CSRNP3: variants seen among roughly 807,000 people sequenced by gnomAD.
CSRNP3 encodes cysteine and serine rich nuclear protein 3.
In CSRNP3, 12 loss-of-function variants were observed where a neutral mutation model predicts 48.0. That is an observed-to-expected ratio of 0.25 (90% CI 0.16 to 0.41). The LOEUF (loss-of-function observed/expected upper bound fraction) is 0.41. CSRNP3 is among the 10% of genes least tolerant of loss of function. The pLI is 1.00. For missense variants in CSRNP3, 580 were observed against 724.4 expected (o/e 0.80, Z 2.29); for synonymous variants, 263 against 269.7 (o/e 0.98, Z 0.24).
intron 4 of CSRNP3, among the ~76,000 whole-genome samples, chr2:165,600,362 T>C (rs1408620334): frequency 6.6e-6 from 1 of 151,764 alleles, no homozygotes; most frequent in African/African-American, 2.4e-5. Flanking sequence ...GTTCCAAGTC[T>C]TTGCTATTGT....
chr2:165,507,228 CTTATTTTCACT>C (rs1684438436), intron 2 of CSRNP3, among the ~76,000 whole-genome samples: 1 of 151,920 alleles, frequency 6.6e-6, no homozygotes, highest in East Asian at 1.9e-4. Context: ...AAATGTTTTA[CTTATTTTCACT>C]ATATAGTATA....
chr2:165,534,209 T>C (rs1475856272), intron 3 of CSRNP3, among the ~76,000 whole-genome samples: 1 of 152,040 alleles, frequency 6.6e-6, no homozygotes, highest in Non-Finnish European at 1.5e-5. Flanking sequence ...AACTGAAATA[T>C]GTTTGTTTTG....
chr2:165,508,063 A>G (rs965556762), intron 2 of CSRNP3, among the ~76,000 whole-genome samples: 3 of 152,024 alleles, frequency 2.0e-5, no homozygotes, highest in African/African-American at 7.2e-5. Context: ...CCAATTATGT[A>G]AAGGTCTCCG....
At chr2:165,471,857 A>G (rs960515381) in intron 1 of CSRNP3, among the ~76,000 whole-genome samples, 1 of 151,844 alleles carries the variant, frequency 6.6e-6, no homozygotes, top group African/African-American at 2.4e-5. Flanking sequence ...AGTGGAGACA[A>G]GAGAGAAAAA....
intron 3 of CSRNP3, among the ~76,000 whole-genome samples, chr2:165,557,617 C>A (rs909087593): frequency 3.9e-5 from 6 of 152,146 alleles, no homozygotes; most frequent in African/African-American, 1.4e-4. Context: ...CCCCCACAAC[C>A]ATATATACCC....
chr2:165,617,846 A>C (rs1686276451), intron 4 of CSRNP3, among the ~76,000 whole-genome samples: 1 of 152,192 alleles, frequency 6.6e-6, no homozygotes, highest in Admixed American at 6.5e-5. Context: ...AGGGCACTGC[A>C]TAGGCTTGGG....
At chr2:165,535,403 A>T (rs1304747755) in intron 3 of CSRNP3, among the ~76,000 whole-genome samples, 1 of 151,454 alleles carries the variant, frequency 6.6e-6, no homozygotes, top group African/African-American at 2.4e-5. Context: ...TTCTGCTGCT[A>T]GGAAGAAAAC....
At chr2:165,507,924 ATT>A (rs1684450317) in intron 2 of CSRNP3, among the ~76,000 whole-genome samples, 2 of 152,062 alleles carry the variant, frequency 1.3e-5, no homozygotes, top group African/African-American at 4.8e-5. Context: ...CCTAGCAACC[ATT>A]CAAGAGCTTA....
intron 3 of CSRNP3, among the ~76,000 whole-genome samples, chr2:165,529,842 A>G (rs1684788819): frequency 1.3e-5 from 2 of 152,338 alleles, no homozygotes; most frequent in South Asian, 2.1e-4. Flanking sequence ...ATTCCTGTCT[A>G]TAAAGGTATT....
At chr2:165,571,834 T>C (rs1360211775) in intron 3 of CSRNP3, among the ~76,000 whole-genome samples, 1 of 152,102 alleles carries the variant, frequency 6.6e-6, no homozygotes, top group Non-Finnish European at 1.5e-5. Flanking sequence ...GTAATTAGTA[T>C]ATCTATTTTT....
At chr2:165,482,038 A>G (rs1684051038) in intron 1 of CSRNP3, among the ~76,000 whole-genome samples, 1 of 152,084 alleles carries the variant, frequency 6.6e-6, no homozygotes, top group African/African-American at 2.4e-5. Context: ...CATACAATTT[A>G]CACATGCAAC....
chr2:165,614,339 CTT>C (rs1686194337), intron 4 of CSRNP3, among the ~76,000 whole-genome samples: 1 of 152,112 alleles, frequency 6.6e-6, no homozygotes, highest in Admixed American at 6.5e-5. Flanking sequence ...TTGGTGGACT[CTT>C]CAGGTTTTTC....
intron 2 of CSRNP3, among the ~76,000 whole-genome samples, chr2:165,513,564 T>C (rs1684536850): frequency 6.6e-6 from 1 of 152,224 alleles, no homozygotes. Flanking sequence ...TTATAGCTTA[T>C]CACCGAATCA....
At chr2:165,585,650 G>A (rs201867924) in intron 3 of CSRNP3, among the ~76,000 whole-genome samples, 1 of 152,114 alleles carries the variant, frequency 6.6e-6, no homozygotes, top group Non-Finnish European at 1.5e-5. Flanking sequence ...TTGGTGTTTT[G>A]TGCTTGCTGG....
chr2:165,667,450 T>A (rs182017745), intron 5 of CSRNP3, among the ~76,000 whole-genome samples: 236 of 152,062 alleles, frequency 1.6e-3, no homozygotes, highest in African/African-American at 5.0e-3. Context: ...TAGCTTTTTT[T>A]TAAAAAAAAT....
chr2:165,606,310 G>A (rs534515033), intron 4 of CSRNP3, among the ~76,000 whole-genome samples: 7 of 143,260 alleles, frequency 4.9e-5, no homozygotes, highest in Middle Eastern at 3.7e-3. Context: ...ATTAACTGAC[G>A]AGGAATTAGT....
At chr2:165,668,839 C>T (rs188862060) in intron 5 of CSRNP3, among the ~76,000 whole-genome samples, 40 of 152,270 alleles carry the variant, frequency 2.6e-4, no homozygotes, top group Non-Finnish European at 4.3e-4. Flanking sequence ...AGTTTTTCTA[C>T]CATTGCTCTT....
intron 4 of CSRNP3, among the ~76,000 whole-genome samples, chr2:165,630,739 T>C (rs933399288): frequency 1.3e-5 from 2 of 152,238 alleles, no homozygotes; most frequent in Non-Finnish European, 2.9e-5. Flanking sequence ...ACAGCCACCC[T>C]GTAGTGGGAA....
intron 1 of CSRNP3, among the ~76,000 whole-genome samples, chr2:165,471,600 AT>A (rs1355714687): frequency 6.6e-6 from 1 of 152,106 alleles, no homozygotes; most frequent in Non-Finnish European, 1.5e-5. Context: ...TTGGCTAAAA[AT>A]ATCACCCTTT....
Sources: gnomAD v4.1 joint callset for allele counts (sites outside exome capture counted in the v4.1 genomes callset) on GRCh38, gnomAD v4.1.1 for gene constraint, MANE v1.5 for transcripts, NCBI Gene and HGNC (gene_info 2026-07-23, HGNC 2026-07-21) for gene names.